The following VPS13B variants were observed in gnomAD, a reference collection of about 807,000 sequenced individuals.
VPS13B encodes the protein intermembrane lipid transfer protein VPS13B.
A neutral mutation model predicts 426.4 loss-of-function variants in VPS13B; 285 were observed. The observed-to-expected ratio is 0.67, with a 90% confidence interval of 0.61 to 0.74. VPS13B has a LOEUF of 0.74. Among genes scored for constraint, VPS13B ranks in the 30% least tolerant of loss-of-function variants. The pLI is 0.00. For missense variants in VPS13B, 4,537 were observed against 4,782.6 expected, an observed-to-expected ratio of 0.95 and a Z score of 1.51; for synonymous variants, 1,676 against 1,676.4, an observed-to-expected ratio of 1.00 and a Z score of 0.01.
chr8:99,056,685 C>T (rs1679567998), intron 3 of VPS13B, among the ~76,000 whole-genome samples: 1 of 152,188 alleles, frequency 6.6e-6, no homozygotes, highest in Non-Finnish European at 1.5e-5. Context: ...TTCTATTCCT[C>T]ATCCTCATTC....
intron 39 of VPS13B, among the ~76,000 whole-genome samples, chr8:99,748,530 A>AT (rs1429738689): frequency 1.3e-5 from 2 of 152,086 alleles, no homozygotes; most frequent in Non-Finnish European, 2.9e-5. Context: ...GAAATCAGGT[A>AT]TGTATAAGGT....
At position 99,147,299 on chromosome 8, in the gene VPS13B, A is replaced by G. The variant is rs184167188; in HGVS notation, c.1844-542A>G. Among the ~76,000 whole-genome samples the G allele has an allele frequency of 2.0e-5, 3 of 152,050 alleles. No individual in the cohort carries two copies. In the East Asian group the frequency reaches 5.8e-4, roughly 29 times the overall value. On this transcript the variant is annotated intron_variant, in intron 13 of 61. Transcript: ENST00000357162. ...GCTAATTTTTGCATTTTTAGTACAGATGGGGTTTTACCATGTTGGCCAGGC... is the reference window on the plus strand; with the variant it reads ...GCTAATTTTTGCATTTTTAGTACAGGTGGGGTTTTACCATGTTGGCCAGGC...
chr8:99,316,323 A>T (rs1278094759), intron 19 of VPS13B, among the ~76,000 whole-genome samples: 2 of 152,106 alleles, frequency 1.3e-5, no homozygotes, highest in Non-Finnish European at 2.9e-5. Context: ...TGTCAGTGGG[A>T]ATATAGGGAT....
rs575912855 is a variant in VPS13B at position 99,632,080 on chromosome 8, G to A, written c.5221-9731G>A. On this transcript the variant is annotated intron_variant, in intron 33 of 61. Transcript: ENST00000357162. ...TTCTTAACTAGAGAAATGTCAGAAA[G>A]TTTTGAAGTCTAAGAACACTCTTTA... Among the ~76,000 whole-genome samples, 6 of 151,954 alleles carry A rather than the reference G, an allele frequency of 3.9e-5. No individual in the cohort carries two copies. In the East Asian group the frequency reaches 1.2e-3, roughly 29 times the overall value.
intron 17 of VPS13B, among the ~76,000 whole-genome samples, chr8:99,232,221 A>T (rs1237597612): frequency 6.6e-6 from 1 of 152,130 alleles, no homozygotes; most frequent in Admixed American, 6.6e-5. Flanking sequence ...AGATAAACAG[A>T]GAGAGAGATA....
intron 4 of VPS13B, among the ~76,000 whole-genome samples, chr8:99,100,114 G>C (rs535371176): frequency 6.6e-6 from 1 of 152,188 alleles, no homozygotes; most frequent in East Asian, 1.9e-4. Flanking sequence ...GAGACGGTTT[G>C]TCATTTATTC....
At chr8:99,211,447 A>G (rs1361969995) in intron 17 of VPS13B, among the ~76,000 whole-genome samples, 1 of 152,200 alleles carries the variant, frequency 6.6e-6, no homozygotes, top group Non-Finnish European at 1.5e-5. Flanking sequence ...CTTTTATATT[A>G]GGAAGCTCCA....
At chr8:99,640,049 G>GAAGAAGAAGAAGAAGAAGAAGAGAAA (rs1299280170) in intron 33 of VPS13B, among the ~76,000 whole-genome samples, 1 of 99,728 alleles carries the variant, frequency 1.0e-5, no homozygotes, top group African/African-American at 4.1e-5. Flanking sequence ...AGAAGAAGAA[G>GAAGAAGAAGAAGAAGAAGAAGAGAAA]AGAAAAGAAA....
intron 17 of VPS13B, among the ~76,000 whole-genome samples, chr8:99,218,590 G>C (rs1261711998): frequency 6.6e-6 from 1 of 152,212 alleles, no homozygotes; most frequent in Non-Finnish European, 1.5e-5. Context: ...TTGTTTAGCT[G>C]TTGTGTGCTC....
intron 33 of VPS13B, among the ~76,000 whole-genome samples, chr8:99,629,385 A>G (rs1234191340): frequency 6.6e-6 from 1 of 152,188 alleles, no homozygotes; most frequent in Non-Finnish European, 1.5e-5. Context: ...AGATTTACAG[A>G]AGTGGATATA....
At chr8:99,095,393 T>C (rs533361733) in intron 3 of VPS13B, among the ~76,000 whole-genome samples, 1 of 152,292 alleles carries the variant, frequency 6.6e-6, no homozygotes, top group African/African-American at 2.4e-5. Context: ...TTGCTTATGG[T>C]TCCTCCCACC....
intron 4 of VPS13B, among the ~76,000 whole-genome samples, chr8:99,096,649 G>A (rs1001946104): frequency 6.6e-6 from 1 of 151,506 alleles, no homozygotes; most frequent in African/African-American, 2.4e-5. Flanking sequence ...TCAGCTACTC[G>A]GGAGGCTGAG....
intron 33 of VPS13B, among the ~76,000 whole-genome samples, chr8:99,636,633 C>T (rs1829081037): frequency 1.3e-5 from 2 of 151,972 alleles, no homozygotes; most frequent in South Asian, 4.1e-4. Context: ...TGTGTGGAAG[C>T]ATTGTGCAGC....
chr8:99,833,904 G>T (rs1391951938), intron 52 of VPS13B, among the ~76,000 whole-genome samples: 7 of 152,178 alleles, frequency 4.6e-5, no homozygotes, highest in Non-Finnish European at 1.0e-4. Flanking sequence ...TTAAAATTAG[G>T]CTGGGAAAGG....
intron 61 of VPS13B, among the ~76,000 whole-genome samples, chr8:99,872,251 C>G (rs1406850383): frequency 1.3e-5 from 2 of 152,188 alleles, no homozygotes; most frequent in African/African-American, 4.8e-5. Flanking sequence ...ACTCTCCACT[C>G]CCTCCCCTAC....
intron 3 of VPS13B, among the ~76,000 whole-genome samples, chr8:99,041,458 A>G (rs1412289401): frequency 6.6e-6 from 1 of 152,138 alleles, no homozygotes; most frequent in Non-Finnish European, 1.5e-5. Flanking sequence ...CCTTTTTCAT[A>G]TTCTTTTTTG....
intron 21 of VPS13B, among the ~76,000 whole-genome samples, chr8:99,425,657 A>G (rs1292368316): frequency 1.3e-5 from 2 of 152,206 alleles, no homozygotes; most frequent in Non-Finnish European, 2.9e-5. Context: ...AACTGGCACA[A>G]GACAGGGATG....
chr8:99,103,199 A>G lies in VPS13B; in HGVS notation c.580+79A>G, dbSNP rs929955896. On this transcript the variant is annotated intron_variant, in intron 5 of 61. Coordinates refer to ENST00000357162, the MANE Select transcript of VPS13B (RefSeq NM_152564.5). ...TAACTCTTAACCCTTCTTTGGGCCA[A>G]CTGAGTTGCTGGTAAATGTTATCAA... 4.0e-6 allele frequency: 6 copies of G among 1,512,570 alleles called. No individual in the cohort carries two copies. In the African/African-American group the frequency reaches 4.1e-5, roughly 10 times the overall value. The allele number at this position is 1,512,570 out of a possible 1,614,324, so 93.7% of individuals were successfully genotyped here.
At chr8:99,450,440 G>A (rs1274761139) in intron 23 of VPS13B, among the ~76,000 whole-genome samples, 9 of 152,238 alleles carry the variant, frequency 5.9e-5, no homozygotes, top group Non-Finnish European at 8.8e-5. Flanking sequence ...TTTCTGCCAC[G>A]TGTGGTGGCT....
Sources: gnomAD v4.1 joint callset for allele counts (sites outside exome capture counted in the v4.1 genomes callset) on GRCh38, gnomAD v4.1.1 for gene constraint, MANE v1.5 for transcripts, NCBI Gene and HGNC (gene_info 2026-07-23, HGNC 2026-07-21) for gene names.